Variants in DNMT3B observed in about 807,000 individuals in gnomAD.
The protein encoded by DNMT3B is DNA (cytosine-5)-methyltransferase 3B.
Under a neutral mutation model 120.2 loss-of-function variants are expected in DNMT3B, and 37 were observed. The ratio of observed to expected loss-of-function variants is 0.31; its 90% CI spans 0.24 to 0.40. DNMT3B has a LOEUF of 0.40. Among genes scored for constraint, DNMT3B ranks in the 10% least tolerant of loss-of-function variants. The pLI, the probability that DNMT3B is intolerant of heterozygous loss-of-function variation, is 1.00. For missense variants in DNMT3B, 878 were observed against 1,137.3 expected (o/e 0.77, Z 3.28); for synonymous variants, 412 against 442.8 (o/e 0.93, Z 0.87).
chr20:32,783,432 C>T (rs1978867868), intron 3 of DNMT3B, among the ~76,000 whole-genome samples: 1 of 152,098 alleles, frequency 6.6e-6, no homozygotes, highest in South Asian at 2.1e-4. Flanking sequence ...TTTTGTGTTC[C>T]TTCCTTTACT....
rs1982183945 is a variant in DNMT3B at position 32,808,301 on chromosome 20, C to T, written c.*398C>T. ...CTCAGGTTAATGCTGAAAAATCATC[C>T]AAGACAGTTATTGCAAGAGTTTAAT... On this transcript the variant is annotated 3_prime_UTR_variant, in exon 23 of 23. Transcript: ENST00000328111. The T allele has an allele frequency of 3.0e-6, 1 of 329,780 alleles. No individual in the cohort carries two copies. The allele number at this position is 329,780 out of a possible 1,614,324, so 20.4% of individuals were successfully genotyped here.
intron 9 of DNMT3B, among the ~76,000 whole-genome samples, chr20:32,793,077 A>C (rs1440400397): frequency 6.6e-6 from 1 of 152,038 alleles, no homozygotes. Flanking sequence ...AGCTATGCTC[A>C]TTTGAGAAAA....
intron 9 of DNMT3B, among the ~76,000 whole-genome samples, chr20:32,793,111 T>TTA (rs1349302404): frequency 2.4e-5 from 3 of 122,926 alleles, no homozygotes; most frequent in Non-Finnish European, 5.0e-5. Flanking sequence ...AAGAAGAATA[T>TTA]GCCACCTGCT....
Position 32,792,661 on chromosome 20 carries a change from C to A in DNMT3B, c.957C>A (p.Ser319Arg). The part of the protein sequence containing the change: ...ARVRAGKTFP[S>R]SPGDSLEDQL... ...TGCGAGCTGGCAAGACCTTCCCCAG[C>A]AGCCCTGGAGACTCATTGGAGGACC... Residue 319 changes from serine to arginine, a missense_variant, in exon 9 of 23, where the codon AGC becomes AGA. By Grantham distance (110) the Ser-to-Arg change is moderately radical (BLOSUM62 -1). Coordinates refer to ENST00000328111, the MANE Select transcript of DNMT3B (RefSeq NM_006892.4). 6.2e-7 allele frequency: 1 copy of A among 1,614,266 alleles called. No homozygotes were observed. The highest frequency in any genetic ancestry group is 8.5e-7 in the Non-Finnish European group (1 of 1,180,048).
At chr20:32,769,352 A>T (rs1987580755) in intron 1 of DNMT3B, among the ~76,000 whole-genome samples, 2 of 152,062 alleles carry the variant, frequency 1.3e-5, no homozygotes, top group Non-Finnish European at 2.9e-5. Context: ...CTCCCAAAGT[A>T]CTGGGATTAC....
rs768234407 is a variant in DNMT3B at position 32,780,472 on chromosome 20, G to A, written c.142+7G>A. The A allele has an allele frequency of 3.7e-6, 6 of 1,611,378 alleles. No homozygotes were observed. The highest frequency in any genetic ancestry group is 5.1e-6 in the Non-Finnish European group (6 of 1,179,944). On this transcript the variant is annotated splice_region_variant and intron_variant, in intron 2 of 22. Coordinates refer to ENST00000328111, the MANE Select transcript of DNMT3B (RefSeq NM_006892.4). Reference sequence around the variant, plus strand: ...CGCACCCCGGAGATCAGAGGTGGCTGGGCAGTGGGGACTGGGGTGGTGTCA... The same window carrying A: ...CGCACCCCGGAGATCAGAGGTGGCTAGGCAGTGGGGACTGGGGTGGTGTCA...
intron 16 of DNMT3B, 27 bp downstream of exon 16, chr20:32,799,355 C>G: frequency 6.2e-7 from 1 of 1,604,918 alleles, no homozygotes; most frequent in Non-Finnish European, 8.5e-7. Context: ...CCTGGAGACA[C>G]TGCTATCGTG....
chr20:32,789,358 G>A (rs531952947), intron 7 of DNMT3B, among the ~76,000 whole-genome samples: 9 of 152,316 alleles, frequency 5.9e-5, no homozygotes, highest in South Asian at 2.1e-4. Context: ...GGAAGAGACC[G>A]GAAGCATGGC....
At chr20:32,769,395 C>A (rs1392023273) in intron 1 of DNMT3B, among the ~76,000 whole-genome samples, 3 of 152,162 alleles carry the variant, frequency 2.0e-5, no homozygotes, top group Admixed American at 1.3e-4. Context: ...CCCACTGTTG[C>A]AAATTTCTTT....
intron 13 of DNMT3B, 107 bp from the exon 14 acceptor site, chr20:32,797,080 A>T: frequency 6.2e-7 from 1 of 1,604,962 alleles, no homozygotes; most frequent in Non-Finnish European, 8.5e-7. Flanking sequence ...ACACCAAGCC[A>T]CCAGCAGTGT....
chr20:32,792,825 T>C, intron 9 of DNMT3B, 55 bp downstream of exon 9: 2 of 1,611,292 alleles, frequency 1.2e-6, no homozygotes, highest in Non-Finnish European at 8.5e-7. Flanking sequence ...GGACCACTTC[T>C]TGGGAGAGTC....
At position 32,779,206 on chromosome 20, in the gene DNMT3B, A is replaced by G. The variant is rs868030206; in HGVS notation, c.-6-1112A>G. On this transcript the variant is annotated intron_variant, in intron 1 of 22. Coordinates refer to ENST00000328111, the MANE Select transcript of DNMT3B (RefSeq NM_006892.4). ...GGTCTCATTATGCCTAGGCTTTTAT[A>G]ATATTTTTGCCAACCAAAGGTGGAA... 1.2e-4 allele frequency among the ~76,000 whole-genome samples: 19 copies of G among 152,098 alleles called. 1 individual carries two copies. Among genetic ancestry groups the G allele is most frequent in the Admixed American group, 9.8e-4 (15 of 15,274 alleles).
intron 1 of DNMT3B, among the ~76,000 whole-genome samples, chr20:32,775,372 A>G (rs533722438): frequency 1.5e-3 from 225 of 152,306 alleles, no homozygotes; most frequent in Non-Finnish European, 1.6e-3. Context: ...TGCTGCTGGT[A>G]TCAGCCTGGA....
chr20:32,765,033 G>A (rs970420327), intron 1 of DNMT3B, among the ~76,000 whole-genome samples: 1 of 152,204 alleles, frequency 6.6e-6, no homozygotes, highest in African/African-American at 2.4e-5. Flanking sequence ...TCCTAGACCA[G>A]CTCTTATGCC....
At chr20:32,788,690 G>A (rs769437986) in intron 6 of DNMT3B, among the ~76,000 whole-genome samples, 164 bp from the exon 7 acceptor site, 1 of 152,098 alleles carries the variant, frequency 6.6e-6, no homozygotes, top group Non-Finnish European at 1.5e-5. Context: ...CCCCTGCCTC[G>A]GTCTCCCAAA....
intron 1 of DNMT3B, among the ~76,000 whole-genome samples, chr20:32,768,697 G>T (rs1206317148): frequency 5.3e-5 from 8 of 152,276 alleles, no homozygotes; most frequent in African/African-American, 1.9e-4. Context: ...AGGCTCTGGA[G>T]ATGGGAATGG....
At chr20:32,782,125 C>A (rs1978698133) in intron 3 of DNMT3B, among the ~76,000 whole-genome samples, 1 of 152,180 alleles carries the variant, frequency 6.6e-6, no homozygotes, top group Non-Finnish European at 1.5e-5. Context: ...TAAATGCATG[C>A]TAGTTTTACT....
intron 12 of DNMT3B, 53 bp from the exon 13 acceptor site, chr20:32,796,737 A>G: frequency 6.3e-7 from 1 of 1,587,830 alleles, no homozygotes; most frequent in Non-Finnish European, 8.6e-7. Context: ...AGGCTTTAGC[A>G]GCTGGTGTCA....
In DNMT3B at chr20:32,802,368, C is replaced by A. The variant is rs1191692348; in HGVS notation, c.2146-17C>A. 14 of 1,613,756 alleles carry A rather than the reference C, an allele frequency of 8.7e-6. No individual in the cohort carries two copies. The highest frequency in any genetic ancestry group is 1.1e-5 in the Non-Finnish European group (13 of 1,179,748). On this transcript the variant is annotated splice_polypyrimidine_tract_variant and intron_variant, in intron 19 of 22. Coordinates refer to ENST00000328111, the MANE Select transcript of DNMT3B (RefSeq NM_006892.4). The stretch of plus-strand genomic sequence containing the variant: ...CTAATAATAGGCTCCTAACAGTAAC[C>A]TTCTTTCTCCCCACAGTGTAATCCA...
Sources: allele counts gnomAD v4.1 joint callset (sites outside exome capture counted in the v4.1 genomes callset), GRCh38; gene constraint gnomAD v4.1.1; transcripts MANE v1.5; gene names NCBI Gene and HGNC (gene_info 2026-07-23, HGNC 2026-07-21).